Variants in TMEM176B observed in about 807,000 individuals in gnomAD.
TMEM176B encodes the protein transmembrane protein 176B, also known as LR8-like protein.
In TMEM176B, 28 loss-of-function variants were observed where a neutral mutation model predicts 30.3. The ratio of observed to expected loss-of-function variants is 0.92; its 90% confidence interval spans 0.68 to 1.27. The LOEUF (loss-of-function observed/expected upper bound fraction) is 1.27, where lower values mean the gene tolerates loss of function less well. TMEM176B is among the 50% of genes most tolerant of loss of function. TMEM176B has a pLI of 0.00. For synonymous variants in TMEM176B, 123 were observed against 130.3 expected, an observed-to-expected ratio of 0.94 and a Z score of 0.38; for missense variants, 349 against 327.4, an observed-to-expected ratio of 1.07 and a Z score of -0.51.
rs1422409804 is a variant in TMEM176B at position 150,796,514 on chromosome 7, T to G, written c.56A>C (p.Gln19Pro). The change falls in exon 2 of 7, where the codon CAG (glutamine) becomes CCG (proline). Residue 19 changes from glutamine to proline, a missense_variant. Physicochemically the swap from Gln to Pro is moderately conservative, Grantham distance 76. Coordinates refer to ENST00000326442, the MANE Select transcript of TMEM176B (RefSeq NM_001101312.2). ...NGVAMASRPS[Q>P]PTHVNVHIHQ... ...GATGTGGACGTTGACGTGGGTGGGC[T>G]GGGATGGCCTAGAGGCCATAGCAAC... The G allele has an allele frequency of 3.7e-6, 6 of 1,614,210 alleles. No individual in the cohort carries two copies. Among genetic ancestry groups the G allele is most frequent in the Non-Finnish European group, 5.1e-6 (6 of 1,180,038 alleles).
rs958465542 is a variant in TMEM176B at position 150,796,401 on chromosome 7, T to C, written c.169A>G (p.Thr57Ala). ...AGCTGCTCATAACCAATCCTGGCTG[T>C]GGAAGGCACAGTGTCCCCAGGGTGA... ...LFHPGDTVPS[T>A]ARIGYEQLAL... Residue 57 changes from threonine to alanine, a missense_variant, in exon 2 of 7, where the codon ACA (threonine) becomes GCA (alanine). Transcript: ENST00000326442. The C allele has an allele frequency of 1.9e-6, 3 of 1,614,176 alleles. No homozygotes were observed. Among genetic ancestry groups the C allele is most frequent in the Non-Finnish European group, 2.5e-6 (3 of 1,180,038 alleles).
At chr7:150,797,008 T>C (rs547861238) in intron 1 of TMEM176B, among the ~76,000 whole-genome samples, 6 of 152,108 alleles carry the variant, frequency 3.9e-5, no homozygotes, top group African/African-American at 1.2e-4. Context: ...TTTGTCAAAA[T>C]TCAAAGGGGC....
upstream of TMEM176B, chr7:150,800,858 C>CA: frequency 1.0e-6 from 1 of 966,694 alleles, no homozygotes. Flanking sequence ...CCGGCGGCCC[C>CA]CGGGCCTCCT....
At chr7:150,792,715 G>A (rs1251599127) in intron 5 of TMEM176B, among the ~76,000 whole-genome samples, 1 of 152,156 alleles carries the variant, frequency 6.6e-6, no homozygotes, top group Non-Finnish European at 1.5e-5. Context: ...GAGTGAGAAT[G>A]GCTCATCTGA....
At chr7:150,792,035 G>A (rs1458301649) in intron 6 of TMEM176B, 21 bp downstream of exon 6, 3 of 1,612,866 alleles carry the variant, frequency 1.9e-6, no homozygotes, top group Non-Finnish European at 2.5e-6. Context: ...GCTGCCCAGA[G>A]GCCCCTCCCC....
intron 4 of TMEM176B, 80 bp from the exon 5 acceptor site, chr7:150,793,395 C>T (rs1245985749): frequency 4.6e-6 from 7 of 1,516,284 alleles, no homozygotes; most frequent in Non-Finnish European, 6.3e-6. Flanking sequence ...AATCCCTCTC[C>T]TCTTCCCCAG....
chr7:150,794,256 GT>G (rs1306671920), intron 2 of TMEM176B, among the ~76,000 whole-genome samples, 185 bp from the exon 3 acceptor site: 1 of 151,842 alleles, frequency 6.6e-6, no homozygotes, highest in Non-Finnish European at 1.5e-5. Context: ...ACTGGCCTGG[GT>G]CTCCCCTCAC....
intron 2 of TMEM176B, among the ~76,000 whole-genome samples, chr7:150,794,515 T>C (rs1798444339): frequency 6.6e-6 from 1 of 151,976 alleles, no homozygotes; most frequent in Admixed American, 6.6e-5. Context: ...AAAGGGCTTG[T>C]TTGATTGCTG....
intron 2 of TMEM176B, among the ~76,000 whole-genome samples, chr7:150,794,692 C>G (rs939642903): frequency 6.6e-6 from 1 of 150,720 alleles, no homozygotes; most frequent in Non-Finnish European, 1.5e-5. Context: ...GGAGCTCCCC[C>G]ACTGGCCTGG....
intron 2 of TMEM176B, among the ~76,000 whole-genome samples, chr7:150,795,339 C>T (rs1022446887): frequency 2.0e-5 from 3 of 152,190 alleles, no homozygotes; most frequent in African/African-American, 7.2e-5. Context: ...ATAGAACTTG[C>T]CCTATGCCTT....
At chr7:150,793,737 C>T (rs1333226788) in intron 3 of TMEM176B, 137 bp from the exon 4 acceptor site, 7 of 1,004,706 alleles carry the variant, frequency 7.0e-6, no homozygotes, top group Middle Eastern at 2.6e-4. Flanking sequence ...GACACACAGA[C>T]CAGGATTCCA....
intron 1 of TMEM176B, among the ~76,000 whole-genome samples, chr7:150,798,918 T>C (rs1324878056): frequency 6.6e-6 from 1 of 152,240 alleles, no homozygotes; most frequent in Non-Finnish European, 1.5e-5. Flanking sequence ...ATTTGAAGTT[T>C]ATTTTTTGAC....
intron 1 of TMEM176B, among the ~76,000 whole-genome samples, chr7:150,797,076 G>C (rs1329222576): frequency 3.3e-5 from 5 of 152,134 alleles, no homozygotes; most frequent in African/African-American, 1.2e-4. Flanking sequence ...ACATAAAAAA[G>C]TTAAGAGATA....
At chr7:150,792,920 G>A (rs754153627) in intron 5 of TMEM176B, among the ~76,000 whole-genome samples, 168 bp downstream of exon 5, 1 of 152,130 alleles carries the variant, frequency 6.6e-6, no homozygotes, top group African/African-American at 2.4e-5. Flanking sequence ...GAATCTTCGT[G>A]TCATGAGGTC....
At chr7:150,800,801 G>A, upstream of TMEM176B, 1 of 448,108 alleles carries the variant, frequency 2.2e-6, no homozygotes, top group Non-Finnish European at 2.9e-6. Flanking sequence ...CCCTCCCGCC[G>A]CCCGCTCGCA....
chr7:150,794,907 C>CCACACACA (rs3220239), intron 2 of TMEM176B, among the ~76,000 whole-genome samples: 1,763 of 141,646 alleles, frequency 0.012, 18 homozygotes, highest in Middle Eastern at 0.046. Flanking sequence ...TCCCCTACTA[C>CCACACACA]CACACACACA....
intron 6 of TMEM176B, 147 bp from the exon 7 acceptor site, chr7:150,791,770 G>T: frequency 1.2e-6 from 1 of 847,268 alleles, no homozygotes; most frequent in Non-Finnish European, 1.8e-6. Context: ...AAACAAGGTG[G>T]CAGAGGAAGG....
rs765199667 is a variant in TMEM176B, at chr7:150,796,526, G to C, written c.44C>G (p.Ser15Cys). The C allele has an allele frequency of 6.2e-7, 1 of 1,614,110 alleles. No individual in the cohort carries two copies. The highest frequency in any genetic ancestry group is 8.5e-7 in the Non-Finnish European group (1 of 1,180,060). Residue 15 changes from serine to cysteine, a missense_variant, in exon 2 of 7, where the codon TCT (serine) becomes TGT (cysteine). Coordinates refer to ENST00000326442, the MANE Select transcript of TMEM176B (RefSeq NM_001101312.2). ...GACGTGGGTGGGCTGGGATGGCCTAGAGGCCATAGCAACTCCATTCACAAT... is the reference window on the plus strand; with the variant it reads ...GACGTGGGTGGGCTGGGATGGCCTACAGGCCATAGCAACTCCATTCACAAT... The part of the protein sequence containing the change: ...TVIVNGVAMA[S>C]RPSQPTHVNV...
rs747227328 is a variant in TMEM176B, at chr7:150,791,483, G to A, written c.*48C>T. 4 of 1,541,224 alleles carry A rather than the reference G, an allele frequency of 2.6e-6. No individual in the cohort carries two copies. In the East Asian group the frequency reaches 9.0e-5, roughly 35 times the overall value. On this transcript the variant is annotated 3_prime_UTR_variant, in exon 7 of 7. Transcript: ENST00000326442. ...GAGGAGCCAGGAGTGGGGGCCCTGG[G>A]CTGCCCTAGACAGGGACATGCGGGC...
Sources: gnomAD v4.1 joint callset for allele counts (sites outside exome capture counted in the v4.1 genomes callset) on GRCh38, gnomAD v4.1.1 for gene constraint, MANE v1.5 for transcripts, NCBI Gene and HGNC (gene_info 2026-07-23, HGNC 2026-07-21) for gene names.